The following WWOX variants were observed in gnomAD, a reference collection of about 807,000 sequenced individuals.
WWOX encodes the protein WW domain-containing oxidoreductase.
Under a neutral mutation model 46.2 loss-of-function variants are expected in WWOX, and 69 were observed. The observed-to-expected ratio is 1.49, with a 90% confidence interval of 1.23 to 1.82. The LOEUF (loss-of-function observed/expected upper bound fraction) is 1.82. Among genes scored for constraint, WWOX ranks in the 40% most tolerant of loss-of-function variants. The pLI, the probability that WWOX is intolerant of heterozygous loss-of-function variation, is 0.00. For missense variants in WWOX, 919 were observed against 542.6 expected, an observed-to-expected ratio of 1.69 and a Z score of -6.89; for synonymous variants, 359 against 202.6, an observed-to-expected ratio of 1.77 and a Z score of -6.56.
chr16:79,086,503 C>G (rs1241011296), intron 8 of WWOX, among the ~76,000 whole-genome samples: 1 of 152,192 alleles, frequency 6.6e-6, no homozygotes, highest in Non-Finnish European at 1.5e-5. Context: ...AAGACTTTGT[C>G]AGTACAGTAC....
intron 8 of WWOX, among the ~76,000 whole-genome samples, chr16:79,173,424 G>A (rs2050740341): frequency 6.6e-6 from 1 of 152,176 alleles, no homozygotes; most frequent in Non-Finnish European, 1.5e-5. Context: ...CCACGTGCAT[G>A]ACCCAAGTGA....
chr16:78,595,097 G>A lies in WWOX; in HGVS notation c.1056+162345G>A, dbSNP rs375005737. 1.5e-3 allele frequency among the ~76,000 whole-genome samples: 235 copies of A among 152,332 alleles called. 4 individuals carry two copies. The South Asian group carries it at 0.029, about 19-fold the overall frequency. On this transcript the variant is annotated intron_variant, in intron 8 of 8. Transcript: ENST00000566780. ...GAAGCTGCCATGCGCATGAGGCTGT[G>A]TTAGCAGAGGCAGTGGCAGAAGAAG...
intron 5 of WWOX, among the ~76,000 whole-genome samples, chr16:78,317,075 G>A (rs531846699): frequency 1.3e-5 from 2 of 152,282 alleles, no homozygotes; most frequent in East Asian, 3.9e-4. Context: ...GTGGGATAAG[G>A]GATCCATTGG....
chr16:78,517,003 T>G (rs1290310318), intron 8 of WWOX, among the ~76,000 whole-genome samples: 1 of 152,200 alleles, frequency 6.6e-6, no homozygotes, highest in African/African-American at 2.4e-5. Context: ...AATAGTGAAT[T>G]TCAAGTGGTT....
At chr16:78,624,405 G>A (rs1246425792) in intron 8 of WWOX, among the ~76,000 whole-genome samples, 3 of 151,926 alleles carry the variant, frequency 2.0e-5, no homozygotes, top group South Asian at 2.1e-4. Context: ...AGATTTGGAC[G>A]GTTTGCTTTA....
rs1555548198 is a variant in WWOX at position 78,842,502 on chromosome 16, C to CGAAAAA, written c.1057-369100_1057-369095dup. Reference sequence around the variant, plus strand: ...TGGGTGAAAAAGTGACACCCTGTTTCGAAAAAGAAAACAAAAAGTTGGAAA... The same window carrying CGAAAAA: ...TGGGTGAAAAAGTGACACCCTGTTTCGAAAAAGAAAAAGAAAACAAAAAGTTGGAAA... On this transcript the variant is annotated intron_variant, in intron 8 of 8. Coordinates refer to ENST00000566780, the MANE Select transcript of WWOX (RefSeq NM_016373.4). 2.3e-3 allele frequency among the ~76,000 whole-genome samples: 349 copies of CGAAAAA among 151,342 alleles called. 3 individuals carry two copies. The highest frequency in any genetic ancestry group is 0.023 in the East Asian group (118 of 5,118).
intron 8 of WWOX, among the ~76,000 whole-genome samples, chr16:78,458,190 A>C (rs1198312357): frequency 6.6e-6 from 1 of 151,544 alleles, no homozygotes. Context: ...CTTGCCCTAC[A>C]TACTGTTTTA....
At chr16:78,262,723 C>A (rs1261929419) in intron 5 of WWOX, among the ~76,000 whole-genome samples, 1 of 152,146 alleles carries the variant, frequency 6.6e-6, no homozygotes, top group Non-Finnish European at 1.5e-5. Flanking sequence ...TACCTAAGGT[C>A]CCACAGATGG....
chr16:78,611,589 T>C (rs1458172182), intron 8 of WWOX, among the ~76,000 whole-genome samples: 1 of 152,184 alleles, frequency 6.6e-6, no homozygotes, highest in African/African-American at 2.4e-5. Flanking sequence ...TTAGTCTCAA[T>C]TTCAGAGAGT....
intron 5 of WWOX, among the ~76,000 whole-genome samples, chr16:78,205,768 C>T (rs2036369631): frequency 6.6e-6 from 1 of 152,048 alleles, no homozygotes. Flanking sequence ...TCTACCCACC[C>T]CACCCACCTA....
intron 4 of WWOX, among the ~76,000 whole-genome samples, chr16:78,140,116 G>A (rs1490217468): frequency 6.6e-6 from 1 of 152,184 alleles, no homozygotes; most frequent in Non-Finnish European, 1.5e-5. Context: ...GAGGCCATCT[G>A]GTTGCATTTG....
rs1233958885 is a variant in WWOX at position 79,211,833 on chromosome 16, T to A, written c.*37T>A. The A allele has an allele frequency of 6.2e-7, 1 of 1,612,580 alleles. No homozygotes were observed. The highest frequency in any genetic ancestry group is 8.5e-7 in the Non-Finnish European group (1 of 1,179,610). ...AGCGGATGGGCACACACACCCGCCC[T>A]GTGTGTGTCCCCTCACGCAAGTGCC... On this transcript the variant is annotated 3_prime_UTR_variant, in exon 9 of 9. Transcript: ENST00000566780.
chr16:78,210,528 G>C (rs2036528147), intron 5 of WWOX, among the ~76,000 whole-genome samples: 1 of 151,836 alleles, frequency 6.6e-6, no homozygotes. Flanking sequence ...CTCTTTCTCT[G>C]TCTCTCTCTC....
chr16:78,248,690 C>G (rs1485695921), intron 5 of WWOX, among the ~76,000 whole-genome samples: 1 of 151,866 alleles, frequency 6.6e-6, no homozygotes, highest in Non-Finnish European at 1.5e-5. Flanking sequence ...GAGGTGAGAT[C>G]GCACCACTGT....
At chr16:78,992,271 T>C (rs2046903203) in intron 8 of WWOX, among the ~76,000 whole-genome samples, 1 of 150,862 alleles carries the variant, frequency 6.6e-6, no homozygotes, top group South Asian at 2.1e-4. Context: ...TATCTGCCTG[T>C]ACAGTGTTCT....
chr16:78,576,869 C>A (rs79184338), intron 8 of WWOX, among the ~76,000 whole-genome samples: 1 of 152,228 alleles, frequency 6.6e-6, no homozygotes, highest in African/African-American at 2.4e-5. Flanking sequence ...AATCCTTTCT[C>A]AAGATTCCTT....
chr16:78,709,264 G>C (rs984962521), intron 8 of WWOX, among the ~76,000 whole-genome samples: 1 of 152,124 alleles, frequency 6.6e-6, no homozygotes, highest in Admixed American at 6.6e-5. Context: ...CTCTGCCTGC[G>C]GGAGACAAAA....
intron 8 of WWOX, among the ~76,000 whole-genome samples, chr16:79,100,581 A>G (rs758457196): frequency 6.6e-5 from 10 of 152,070 alleles, no homozygotes; most frequent in Non-Finnish European, 1.0e-4. Flanking sequence ...CTTTTCCTAT[A>G]CAAGTCACCA....
At chr16:78,976,389 T>A (rs1351648700) in intron 8 of WWOX, among the ~76,000 whole-genome samples, 1 of 152,166 alleles carries the variant, frequency 6.6e-6, no homozygotes, top group Non-Finnish European at 1.5e-5. Flanking sequence ...CAGGGCTGTG[T>A]GGTCAGAGTC....
Sources: gnomAD v4.1 joint callset for allele counts (sites outside exome capture counted in the v4.1 genomes callset) on GRCh38, gnomAD v4.1.1 for gene constraint, MANE v1.5 for transcripts, NCBI Gene and HGNC (gene_info 2026-07-23, HGNC 2026-07-21) for gene names.